The following ZNF385D variants were observed in gnomAD, a reference collection of about 807,000 sequenced individuals.
ZNF385D encodes zinc finger protein 659.
In ZNF385D, 15 loss-of-function variants were observed where a neutral mutation model predicts 35.8. The observed-to-expected ratio is 0.42, with a 90% confidence interval of 0.28 to 0.64. The LOEUF (loss-of-function observed/expected upper bound fraction) is 0.64, where lower values mean the gene tolerates loss of function less well. Among genes scored for constraint, ZNF385D ranks in the 30% least tolerant of loss-of-function variants. The pLI is 0.23. For synonymous variants in ZNF385D, 212 were observed against 186.8 expected, an observed-to-expected ratio of 1.13 and a Z score of -1.10; for missense variants, 474 against 494.6, an observed-to-expected ratio of 0.96 and a Z score of 0.39.
chr3:21,706,435 G>A (rs1454844982), intron 1 of ZNF385D, among the ~76,000 whole-genome samples: 1 of 152,128 alleles, frequency 6.6e-6, no homozygotes, highest in Non-Finnish European at 1.5e-5. Context: ...AAACTACAGT[G>A]ATGCCAGGAA....
chr3:21,619,081 C>G (rs189673480), intron 2 of ZNF385D, among the ~76,000 whole-genome samples: 1 of 152,228 alleles, frequency 6.6e-6, no homozygotes, highest in East Asian at 1.9e-4. Context: ...TGCACATGTC[C>G]TACAGCAAAC....
intron 1 of ZNF385D, among the ~76,000 whole-genome samples, chr3:21,668,823 A>G (rs2066479959): frequency 6.6e-6 from 1 of 152,176 alleles, no homozygotes; most frequent in Admixed American, 6.5e-5. Flanking sequence ...GAAAATAGCT[A>G]TTTCGTTTTC....
chr3:21,868,116 T>C (rs1483633844), intron 3 of ZNF385D, among the ~76,000 whole-genome samples: 1 of 152,134 alleles, frequency 6.6e-6, no homozygotes. Flanking sequence ...TTTTTTCATT[T>C]CACTATCATG....
intron 3 of ZNF385D, among the ~76,000 whole-genome samples, chr3:22,007,091 T>C (rs1462656427): frequency 6.6e-6 from 1 of 151,692 alleles, no homozygotes. Flanking sequence ...AAACTGTTCA[T>C]ATGTTTCAAA....
At chr3:21,920,643 A>C (rs1213445077) in intron 3 of ZNF385D, among the ~76,000 whole-genome samples, 3 of 148,764 alleles carry the variant, frequency 2.0e-5, no homozygotes, top group Non-Finnish European at 3.0e-5. Context: ...AAAAAAGATG[A>C]AATGGAAATT....
chr3:22,316,273 T>G (rs1479123725), intron 2 of ZNF385D, among the ~76,000 whole-genome samples: 14 of 152,188 alleles, frequency 9.2e-5, no homozygotes, highest in Admixed American at 9.2e-4. Context: ...GGAGGCAGAT[T>G]TGAGTATTAT....
At chr3:21,780,222 C>T (rs2071436747) in intron 3 of ZNF385D, among the ~76,000 whole-genome samples, 1 of 151,946 alleles carries the variant, frequency 6.6e-6, no homozygotes, top group African/African-American at 2.4e-5. Context: ...CTAATATTAC[C>T]TACTTCAACC....
intron 3 of ZNF385D, among the ~76,000 whole-genome samples, chr3:21,934,023 C>A (rs1370987073): frequency 6.6e-6 from 1 of 151,224 alleles, no homozygotes; most frequent in Non-Finnish European, 1.5e-5. Flanking sequence ...AAAATCCTAA[C>A]TTTGGCTAAA....
chr3:21,758,996 A>AAAAAAAAAC (rs2070478187), intron 3 of ZNF385D, among the ~76,000 whole-genome samples: 1 of 148,438 alleles, frequency 6.7e-6, no homozygotes, highest in Non-Finnish European at 1.5e-5. Context: ...AAAAAAAAAA[A>AAAAAAAAAC]AAAAAAAAAA....
At chr3:22,132,685 A>G (rs1703871780) in intron 3 of ZNF385D, among the ~76,000 whole-genome samples, 1 of 152,124 alleles carries the variant, frequency 6.6e-6, no homozygotes, top group African/African-American at 2.4e-5. Context: ...AATGGTCTTT[A>G]TTAATATTTC....
At chr3:22,086,734 C>T (rs1356521063) in intron 3 of ZNF385D, among the ~76,000 whole-genome samples, 1 of 152,092 alleles carries the variant, frequency 6.6e-6, no homozygotes, top group African/African-American at 2.4e-5. Context: ...ACATATACAC[C>T]ATGGAATACT....
chr3:21,864,002 C>T (rs1697197336), intron 3 of ZNF385D, among the ~76,000 whole-genome samples: 2 of 152,012 alleles, frequency 1.3e-5, no homozygotes, highest in Admixed American at 6.6e-5. Context: ...CTCATGATGC[C>T]GGTTCATGGA....
chr3:21,774,244 A>G (rs1031294476), intron 3 of ZNF385D, among the ~76,000 whole-genome samples: 3 of 151,802 alleles, frequency 2.0e-5, no homozygotes, highest in Non-Finnish European at 4.4e-5. Context: ...CATAGTGGGG[A>G]AACAACACAC....
At chr3:21,709,925 T>C (rs954712830) in intron 1 of ZNF385D, among the ~76,000 whole-genome samples, 3 of 152,294 alleles carry the variant, frequency 2.0e-5, no homozygotes, top group Admixed American at 1.3e-4. Flanking sequence ...ATTGACAAGC[T>C]ACGGCACACC....
intron 2 of ZNF385D, among the ~76,000 whole-genome samples, chr3:22,203,802 T>C (rs1289081252): frequency 6.6e-6 from 1 of 152,160 alleles, no homozygotes; most frequent in Non-Finnish European, 1.5e-5. Flanking sequence ...ATGGTTTCAG[T>C]ATTAGCTCAG....
intron 3 of ZNF385D, among the ~76,000 whole-genome samples, chr3:22,115,097 C>T (rs1360814999): frequency 4.6e-5 from 7 of 152,048 alleles, no homozygotes; most frequent in Non-Finnish European, 1.0e-4. Context: ...AACTCACTGG[C>T]ACTTCTAAAC....
chr3:22,072,062 T>A (rs1397283568), intron 3 of ZNF385D, among the ~76,000 whole-genome samples: 1 of 152,102 alleles, frequency 6.6e-6, no homozygotes, highest in Non-Finnish European at 1.5e-5. Flanking sequence ...GTATGTTTAT[T>A]GTAGCATTAC....
intron 3 of ZNF385D, among the ~76,000 whole-genome samples, chr3:22,022,689 T>C (rs925359362): frequency 2.0e-5 from 3 of 152,140 alleles, no homozygotes; most frequent in African/African-American, 4.8e-5. Flanking sequence ...CATTGTATAT[T>C]ATGTATTACT....
chr3:21,514,732 G>T (rs1483743223), intron 3 of ZNF385D, among the ~76,000 whole-genome samples: 1 of 151,882 alleles, frequency 6.6e-6, no homozygotes, highest in Non-Finnish European at 1.5e-5. Context: ...GCACATGAGA[G>T]CCCTGGAGTC....
Sources: allele counts gnomAD v4.1 joint callset (sites outside exome capture counted in the v4.1 genomes callset), GRCh38; gene constraint gnomAD v4.1.1; transcripts MANE v1.5; gene names NCBI Gene and HGNC (gene_info 2026-07-23, HGNC 2026-07-21).